Variants in NIPSNAP1 observed in about 807,000 individuals in gnomAD.
NIPSNAP1 encodes nipsnap homolog 1.
A neutral mutation model predicts 49.2 loss-of-function variants in NIPSNAP1; 25 were observed. The ratio of observed to expected loss-of-function variants is 0.51; its 90% confidence interval spans 0.37 to 0.71. NIPSNAP1 has a LOEUF of 0.71. NIPSNAP1 is among the 30% of genes least tolerant of loss of function. The pLI, the probability that NIPSNAP1 is intolerant of heterozygous loss-of-function variation, is 0.00. For synonymous variants in NIPSNAP1, 143 were observed against 140.7 expected (o/e 1.02, Z -0.12); for missense variants, 294 against 361.0 (o/e 0.81, Z 1.50).
intron 9 of NIPSNAP1, among the ~76,000 whole-genome samples, chr22:29,557,046 GC>G (rs925927492): frequency 1.6e-4 from 25 of 152,100 alleles, no homozygotes; most frequent in Non-Finnish European, 2.8e-4. Context: ...ACTGCGCCCA[GC>G]CGAGATTTGT....
At chr22:29,561,947 G>T in intron 4 of NIPSNAP1, 85 bp from the exon 5 acceptor site, 2 of 1,221,326 alleles carry the variant, frequency 1.6e-6, no homozygotes, top group South Asian at 1.2e-5. Flanking sequence ...TGGTGGGGAC[G>T]GGGGAGGCGG....
At chr22:29,576,107 C>T (rs1008195105) in intron 1 of NIPSNAP1, among the ~76,000 whole-genome samples, 1 of 151,380 alleles carries the variant, frequency 6.6e-6, no homozygotes, top group Non-Finnish European at 1.5e-5. Flanking sequence ...CAACCTCCAC[C>T]TCCTGGGTTC....
chr22:29,555,660 A>C lies in NIPSNAP1; in HGVS notation c.*275T>G. ...CTTGAGATGAGGAATTTTAGAAGAT[A>C]AATGAAGGCCTAAAAGATCACTATC... On this transcript the variant is annotated 3_prime_UTR_variant, in exon 10 of 10. Transcript: ENST00000216121. The C allele has an allele frequency of 2.2e-6, 1 of 456,206 alleles. No individual in the cohort carries two copies. The highest frequency in any genetic ancestry group is 3.4e-5 in the Admixed American group (1 of 29,760). 28.3% of individuals were successfully genotyped at this position (456,206 alleles called of 1,614,324 possible). A position where few individuals can be genotyped will look rare whatever the true frequency, so the allele number is the denominator to read the frequency against.
chr22:29,571,871 G>A (rs966432401), intron 1 of NIPSNAP1, among the ~76,000 whole-genome samples: 4 of 151,878 alleles, frequency 2.6e-5, no homozygotes, highest in African/African-American at 7.2e-5. Flanking sequence ...GGCCTCCCGG[G>A]TTCAAGCAAT....
At chr22:29,570,065 T>C in intron 3 of NIPSNAP1, 97 bp downstream of exon 3, 1 of 946,512 alleles carries the variant, frequency 1.1e-6, no homozygotes, top group South Asian at 1.3e-5. Flanking sequence ...CCTGGATTTC[T>C]ACAGAAAAGA....
At chr22:29,559,856 T>C (rs1246812153) in intron 8 of NIPSNAP1, among the ~76,000 whole-genome samples, 1 of 152,170 alleles carries the variant, frequency 6.6e-6, no homozygotes, top group Non-Finnish European at 1.5e-5. Flanking sequence ...TACCAAGCAC[T>C]CTTAACAAAG....
At position 29,559,845 on chromosome 22, in the gene NIPSNAP1, C is replaced by G. The variant is rs140943525; in HGVS notation, c.706+889G>C. Among the ~76,000 whole-genome samples the G allele has an allele frequency of 1.2e-3, 186 of 152,272 alleles. 5 individuals are homozygous for G. In the South Asian group the frequency reaches 0.024, roughly 20 times the overall value. On this transcript the variant is annotated intron_variant, in intron 8 of 9. Coordinates refer to ENST00000216121, the MANE Select transcript of NIPSNAP1 (RefSeq NM_003634.4). ...AAGCCCTGCTTTCTCTCTTGCTCGC[C>G]TACCAAGCACTCTTAACAAAGCAGA...
rs181816420 is a variant in NIPSNAP1, at chr22:29,560,969, G to A, written c.612-141C>T. The A allele has an allele frequency of 1.2e-3, 1,127 of 915,210 alleles. 8 individuals carry two copies. The Middle Eastern group carries it at 0.021, about 17-fold the overall frequency. 56.7% of individuals were successfully genotyped at this position (915,210 alleles called of 1,614,324 possible). A position where few individuals can be genotyped will look rare whatever the true frequency, so the allele number is the denominator to read the frequency against. ...GATGCTGAGAGAAAGGACTGATGGC[G>A]GGGTGTTCTACCAACGGAGGGGTCA... On this transcript the variant is annotated intron_variant, in intron 7 of 9. Coordinates refer to ENST00000216121, the MANE Select transcript of NIPSNAP1 (RefSeq NM_003634.4).
chr22:29,577,881 C>T (rs1333388045), intron 1 of NIPSNAP1, among the ~76,000 whole-genome samples: 4 of 148,148 alleles, frequency 2.7e-5, no homozygotes, highest in Non-Finnish European at 5.9e-5. Flanking sequence ...TACAGGAACA[C>T]ACCACCATGC....
chr22:29,560,670 G>A lies in NIPSNAP1; in HGVS notation c.706+64C>T. The A allele has an allele frequency of 3.8e-6, 5 of 1,304,914 alleles. No homozygotes were observed. In the South Asian group the frequency reaches 4.7e-5, roughly 12 times the overall value. The allele number at this position is 1,304,914 out of a possible 1,614,324, so 80.8% of individuals were successfully genotyped here. On this transcript the variant is annotated intron_variant, in intron 8 of 9. Coordinates refer to ENST00000216121, the MANE Select transcript of NIPSNAP1 (RefSeq NM_003634.4). ...TGAGGACACTAATACAACCCCATTGGCTACAGAGAGTGATGACAGAGAAAG... is the reference window on the plus strand; with the variant it reads ...TGAGGACACTAATACAACCCCATTGACTACAGAGAGTGATGACAGAGAAAG...
intron 8 of NIPSNAP1, 138 bp downstream of exon 8, chr22:29,560,596 T>C: frequency 1.3e-6 from 1 of 776,376 alleles, no homozygotes; most frequent in South Asian, 1.4e-5. Context: ...TTGATCTTTT[T>C]GTGACTTTAC....
chr22:29,574,288 A>AAAAAG (rs1569249223), intron 1 of NIPSNAP1, among the ~76,000 whole-genome samples: 1 of 110,906 alleles, frequency 9.0e-6, no homozygotes, highest in Non-Finnish European at 1.9e-5. Context: ...AAAAAAAAAA[A>AAAAAG]AAAAGAAAGA....
chr22:29,562,744 TG>T (rs1489350444), intron 4 of NIPSNAP1, among the ~76,000 whole-genome samples: 2 of 151,984 alleles, frequency 1.3e-5, no homozygotes, highest in African/African-American at 4.8e-5. Flanking sequence ...TGGAGGCCTG[TG>T]GGGCCTCGGG....
chr22:29,568,729 T>C (rs549537187), intron 4 of NIPSNAP1, among the ~76,000 whole-genome samples: 4 of 151,680 alleles, frequency 2.6e-5, no homozygotes. Flanking sequence ...GAGGCGGAGG[T>C]TGCAGTGAGC....
chr22:29,558,851 C>G lies in NIPSNAP1; in HGVS notation c.790+19G>C. 1 of 1,593,200 alleles carries G rather than the reference C, an allele frequency of 6.3e-7. No homozygotes were observed. Among genetic ancestry groups the G allele is most frequent in the Non-Finnish European group, 8.6e-7 (1 of 1,160,834 alleles). On this transcript the variant is annotated intron_variant, in intron 9 of 9. Transcript: ENST00000216121. ...TCAGACAGGGTTCTCAGCAGAAGAC[C>G]TCCAAAGGCTTCACTCACCTGTATA...
chr22:29,560,972 G>T, intron 7 of NIPSNAP1, 144 bp from the exon 8 acceptor site: 1 of 904,988 alleles, frequency 1.1e-6, no homozygotes, highest in Non-Finnish European at 1.8e-6. Context: ...TGATGGCGGG[G>T]TGTTCTACCA....
chr22:29,561,760 C>A (rs376765893), intron 5 of NIPSNAP1, 32 bp downstream of exon 5: 10 of 1,613,574 alleles, frequency 6.2e-6, no homozygotes, highest in Non-Finnish European at 8.5e-6. Flanking sequence ...ATCCCACATC[C>A]AGAGAGGTGT....
intron 4 of NIPSNAP1, among the ~76,000 whole-genome samples, chr22:29,567,765 AG>A (rs2064377781): frequency 1.3e-5 from 2 of 152,044 alleles, no homozygotes; most frequent in Non-Finnish European, 2.9e-5. Context: ...CTGAGGTAGG[AG>A]GATTGCTTAA....
chr22:29,570,392 A>G lies in NIPSNAP1; in HGVS notation c.226+13T>C. ...TGAAAGGGCAGAAATTGGTCAGCTC[A>G]GCAGCCACTCACACTGGATCTTATA... On this transcript the variant is annotated intron_variant, in intron 2 of 9. Transcript: ENST00000216121. 6.2e-7 allele frequency: 1 copy of G among 1,613,964 alleles called. No individual in the cohort carries two copies.
Sources: allele counts gnomAD v4.1 joint callset (sites outside exome capture counted in the v4.1 genomes callset), GRCh38; gene constraint gnomAD v4.1.1; transcripts MANE v1.5; gene names NCBI Gene and HGNC (gene_info 2026-07-23, HGNC 2026-07-21).